KAT2A: variants seen among roughly 807,000 people sequenced by gnomAD.
KAT2A encodes the protein histone acetyltransferase KAT2A.
In KAT2A, 42 loss-of-function variants were observed where a neutral mutation model predicts 95.2. The ratio of observed to expected loss-of-function variants is 0.44; its 90% CI spans 0.34 to 0.57. KAT2A has a LOEUF of 0.57. Among genes scored for constraint, KAT2A ranks in the 20% least tolerant of loss-of-function variants. The pLI is 0.01. For synonymous variants in KAT2A, 449 were observed against 448.2 expected (o/e 1.00, Z -0.02); for missense variants, 784 against 1,126.3 (o/e 0.70, Z 4.35).
rs1205445970 is a variant in KAT2A at position 42,114,804 on chromosome 17, T to C, written c.2019+88A>G. ...CCTCACTCACACACATATATGCATGTAGACGTAGAACAGGTCTACACACGT... is the reference window on the plus strand; with the variant it reads ...CCTCACTCACACACATATATGCATGCAGACGTAGAACAGGTCTACACACGT... On this transcript the variant is annotated intron_variant, in intron 13 of 17. Coordinates refer to ENST00000225916, the MANE Select transcript of KAT2A (RefSeq NM_021078.3). This position sits in a 1 kb window ranked among gnomAD's most constrained non-coding sequence, Gnocchi z 6.0. 4 of 1,401,422 alleles carry C rather than the reference T, an allele frequency of 2.9e-6. No homozygotes were observed. The African/African-American group carries it at 4.2e-5, about 15-fold the overall frequency. The allele number at this position is 1,401,422 out of a possible 1,614,324, so 86.8% of individuals were successfully genotyped here.
chr17:42,120,166 C>T (rs1363434191), intron 3 of KAT2A, 47 bp from the exon 4 acceptor site: 1 of 1,613,422 alleles, frequency 6.2e-7, no homozygotes. Flanking sequence ...GGCAGAGCTG[C>T]AGACAACCCC....
intron 12 of KAT2A, 56 bp downstream of exon 12, chr17:42,115,667 C>A (rs1237637397): frequency 1.5e-5 from 17 of 1,115,588 alleles, no homozygotes; most frequent in Non-Finnish European, 2.1e-5. Context: ...AGGGGCTGGA[C>A]AGAATTACCC....
Position 42,119,568 on chromosome 17 carries a change from C to T in KAT2A, c.850G>A (p.Asp284Asn). The change falls in exon 5 of 18, where the codon GAC becomes AAC. Residue 284 changes from aspartate (D) to asparagine (N), a missense_variant. Asp to Asn is a conservative substitution (Grantham distance 23). This residue lies in a region of KAT2A where 208 missense variants were observed against 339.7 expected (regional missense o/e 0.61). Coordinates refer to ENST00000225916, the MANE Select transcript of KAT2A (RefSeq NM_021078.3). The surrounding 1 kb of genome is among the most constrained non-coding windows in gnomAD (Gnocchi z 5.3). ...TAATTGACCTTGTAGGTAGCCACGT[C>T]CTCAGCCTGAGACCTCTGCCGAAAC... ...AQFRQRSQAE[D>N]VATYKVNYTR... The T allele has an allele frequency of 6.2e-7, 1 of 1,605,784 alleles. No homozygotes were observed. The highest frequency in any genetic ancestry group is 8.5e-7 in the Non-Finnish European group (1 of 1,175,548).
At chr17:42,120,481 A>C (rs782105602) in intron 2 of KAT2A, 111 bp from the exon 3 acceptor site, 149 of 1,296,792 alleles carry the variant, frequency 1.1e-4, no homozygotes, top group Non-Finnish European at 1.6e-4. Context: ...AACCAGTGTG[A>C]CCAACAGTGA....
Position 42,121,259 on chromosome 17 carries a change from G to T in KAT2A, c.46C>A (p.Pro16Thr). ...QAPTPAPAAQ[P>T]RPLQSPAPAP... ...GGGGCTGGGGACTGAAGGGGCCGGG[G>T]CTGCGCAGCCGGGGCCGGGGTCGGG... Residue 16 changes from proline (P) to threonine (T), a missense_variant, in exon 1 of 18, where the codon CCC (proline) becomes ACC (threonine). Physicochemically the swap from Pro to Thr is conservative, Grantham distance 38 (BLOSUM62 -1). Coordinates refer to ENST00000225916, the MANE Select transcript of KAT2A (RefSeq NM_021078.3). 7.3e-7 allele frequency: 1 copy of T among 1,363,730 alleles called. No homozygotes were observed. The highest frequency in any genetic ancestry group is 9.5e-7 in the Non-Finnish European group (1 of 1,056,220). 84.5% of individuals were successfully genotyped at this position (1,363,730 alleles called of 1,614,324 possible).
rs2054278415 is a variant in KAT2A at position 42,117,664 on chromosome 17, G to A, written c.1428+14C>T. The A allele has an allele frequency of 3.1e-6, 5 of 1,606,672 alleles. No homozygotes were observed. In the East Asian group the frequency reaches 1.1e-4, roughly 36 times the overall value. ...TGGGGGTCCCCCAACTGGTCAGCAG[G>A]TCGGGCTGCCCACCTCAGGCCCCAG... On this transcript the variant is annotated intron_variant, in intron 9 of 17. Transcript: ENST00000225916. This position sits in a 1 kb window ranked among gnomAD's most constrained non-coding sequence, Gnocchi z 8.9.
intron 7 of KAT2A, 44 bp downstream of exon 7, chr17:42,118,253 G>T: frequency 1.4e-6 from 2 of 1,450,244 alleles, no homozygotes; most frequent in Non-Finnish European, 1.9e-6. Flanking sequence ...GCTTAGCTCA[G>T]CCAGGCAGGC....
rs1470481879 is a variant in KAT2A, at chr17:42,114,155, C to G, written c.2235+64G>C. On this transcript the variant is annotated intron_variant, in intron 16 of 17. Transcript: ENST00000225916. The surrounding 1 kb of genome is among the most constrained non-coding windows in gnomAD (Gnocchi z 6.0). Reference sequence around the variant, plus strand: ...CAGCCCGAGACCACTACCCACCCCACACTGCATCAAGAGGCCACAGCCATT... The same window carrying G: ...CAGCCCGAGACCACTACCCACCCCAGACTGCATCAAGAGGCCACAGCCATT... 6.3e-7 allele frequency: 1 copy of G among 1,577,358 alleles called. No individual in the cohort carries two copies.
rs1403921797 is a variant in KAT2A at position 42,120,637 on chromosome 17, G to A, written c.463+69C>T. ...GATTTTTTCAGAGATGAAGCTTTGT[G>A]GCACTTGTCACCCTGTCCAAGCAGG... On this transcript the variant is annotated intron_variant, in intron 2 of 17. Coordinates refer to ENST00000225916, the MANE Select transcript of KAT2A (RefSeq NM_021078.3). 1.9e-6 allele frequency: 3 copies of A among 1,599,406 alleles called. No homozygotes were observed. The African/African-American group carries it at 4.0e-5, about 21-fold the overall frequency.
Position 42,121,083 on chromosome 17 carries a change from C to A in KAT2A, c.222G>T (p.Gly74=). The change falls in exon 1 of 18, where the codon GGG becomes GGT. Residue 74 remains glycine, a synonymous_variant. Coordinates refer to ENST00000225916, the MANE Select transcript of KAT2A (RefSeq NM_021078.3). ...GGCTCAGGCCAGGTCGAGCCGGATC[C>A]CCCCCGCTCCCGGCCCCCCCACTTC... ...GVGSGGAGSG[G]DPARPGLSQQ... 6.4e-7 allele frequency: 1 copy of A among 1,552,200 alleles called. No homozygotes were observed. Among genetic ancestry groups the A allele is most frequent in the East Asian group, 2.4e-5 (1 of 42,198 alleles).
Position 42,114,116 on chromosome 17 carries a change from T to A in KAT2A, c.2236-32A>T. On this transcript the variant is annotated intron_variant, in intron 16 of 17. Transcript: ENST00000225916. This position sits in a 1 kb window ranked among gnomAD's most constrained non-coding sequence, Gnocchi z 6.0. ...AGAAGAGCCGGGCTGGGGACAGCCCTGCTGCGCCCACGCCAGCCCGAGACC... is the reference window on the plus strand; with the variant it reads ...AGAAGAGCCGGGCTGGGGACAGCCCAGCTGCGCCCACGCCAGCCCGAGACC... 6.4e-7 allele frequency: 1 copy of A among 1,558,606 alleles called. No homozygotes were observed. The highest frequency in any genetic ancestry group is 8.7e-7 in the Non-Finnish European group (1 of 1,153,318).
At chr17:42,120,911 C>G in intron 1 of KAT2A, 55 bp downstream of exon 1, 1 of 1,555,802 alleles carries the variant, frequency 6.4e-7, no homozygotes, top group East Asian at 2.4e-5. Flanking sequence ...CCCATTCCCA[C>G]CAGAGCCCTG....
Position 42,114,822 on chromosome 17 carries a change from A to G in KAT2A, c.2019+70T>C. On this transcript the variant is annotated intron_variant, in intron 13 of 17. Coordinates refer to ENST00000225916, the MANE Select transcript of KAT2A (RefSeq NM_021078.3). The surrounding 1 kb of genome is among the most constrained non-coding windows in gnomAD (Gnocchi z 6.0). ...ATGCATGTAGACGTAGAACAGGTCT[A>G]CACACGTGTGCTCGCCCTCTGCATG... 1 of 1,518,570 alleles carries G rather than the reference A, an allele frequency of 6.6e-7. No homozygotes were observed. 94.1% of individuals were successfully genotyped at this position (1,518,570 alleles called of 1,614,324 possible). A position where few individuals can be genotyped will look rare whatever the true frequency, so the allele number is the denominator to read the frequency against.
chr17:42,118,481 G>T, intron 6 of KAT2A, 78 bp from the exon 7 acceptor site: 1 of 1,005,540 alleles, frequency 9.9e-7, no homozygotes, highest in Non-Finnish European at 1.6e-6. Context: ...GGGACTGGAG[G>T]CTGGTCAGAG....
rs1555665359 is a variant in KAT2A at position 42,113,988 on chromosome 17, G to C, written c.2320+12C>G. The C allele has an allele frequency of 6.6e-7, 1 of 1,508,290 alleles. No individual in the cohort carries two copies. The allele number at this position is 1,508,290 out of a possible 1,614,324, so 93.4% of individuals were successfully genotyped here. A position where few individuals can be genotyped will look rare whatever the true frequency, so the allele number is the denominator to read the frequency against. On this transcript the variant is annotated intron_variant, in intron 17 of 17. Transcript: ENST00000225916. Reference sequence around the variant, plus strand: ...GAAGAGGAGGGAAGGGGATGGAATGGAAGGTCCTCACCAATGGGGAAGCGG... The same window carrying C: ...GAAGAGGAGGGAAGGGGATGGAATGCAAGGTCCTCACCAATGGGGAAGCGG...
Position 42,117,184 on chromosome 17 carries a change from A to G in KAT2A, c.1638-23T>C, listed in dbSNP as rs2054271221. On this transcript the variant is annotated intron_variant, in intron 10 of 17. Transcript: ENST00000225916. This position sits in a 1 kb window ranked among gnomAD's most constrained non-coding sequence, Gnocchi z 8.9. ...TTCCTAAGAGAGAGGGGGGCATGTC[A>G]TAGCCCCTGACTGTCCCCTTCAGGT... is the stretch of plus-strand genomic sequence containing the variant. 6.2e-7 allele frequency: 1 copy of G among 1,613,250 alleles called. No homozygotes were observed. The highest frequency in any genetic ancestry group is 1.7e-5 in the Admixed American group (1 of 59,982).
chr17:42,118,029 G>C lies in KAT2A; in HGVS notation c.1181-12C>G, dbSNP rs1418476820. Reference sequence around the variant, plus strand: ...TGCACTGACTGAAGCTGAGGAGAGAGAGAGACGTCAGGGATGGGGGGCTGA... The same window carrying C: ...TGCACTGACTGAAGCTGAGGAGAGACAGAGACGTCAGGGATGGGGGGCTGA... On this transcript the variant is annotated splice_polypyrimidine_tract_variant and intron_variant, in intron 7 of 17. Transcript: ENST00000225916. The C allele has an allele frequency of 2.1e-6, 3 of 1,429,302 alleles. No homozygotes were observed. The highest frequency in any genetic ancestry group is 1.9e-6 in the Non-Finnish European group (2 of 1,055,674). 88.5% of individuals were successfully genotyped at this position (1,429,302 alleles called of 1,614,324 possible).
Position 42,114,052 on chromosome 17 carries a change from A to G in KAT2A, c.2268T>C (p.Pro756=), listed in dbSNP as rs1555665384. The G allele has an allele frequency of 1.3e-6, 2 of 1,527,316 alleles. No homozygotes were observed. Among genetic ancestry groups the G allele is most frequent in the African/African-American group, 1.4e-5 (1 of 70,882 alleles). 94.6% of individuals were successfully genotyped at this position (1,527,316 alleles called of 1,614,324 possible). The change falls in exon 17 of 18, where the codon CCT becomes CCC. Residue 756 remains proline, a synonymous_variant. Coordinates refer to ENST00000225916, the MANE Select transcript of KAT2A (RefSeq NM_021078.3). The surrounding 1 kb of genome is among the most constrained non-coding windows in gnomAD (Gnocchi z 6.0). ...AGTCAGGGGCCTCCGACTTCTTCAC[A>G]GGCTCCATGAAGGGCCAGGCACTGG... ...SHPSAWPFME[P]VKKSEAPDYY...
chr17:42,113,790 C>CGGA lies in KAT2A; in HGVS notation c.2372_2373insTCC (p.Lys791delinsAsnPro), dbSNP rs2054206616. 6.2e-7 allele frequency: 1 copy of CGGA among 1,607,924 alleles called. No individual in the cohort carries two copies. Among genetic ancestry groups the CGGA allele is most frequent in the African/African-American group, 1.3e-5 (1 of 74,402 alleles). On this transcript the variant is annotated protein_altering_variant, in exon 18 of 18. Transcript: ENST00000225916. ...CCCGCTGCAGGTCGGCCACAAAGAG[C>CGGA]TTCCGGGTCACGTAGTAGCGGCTTC...
Sources: allele counts gnomAD v4.1 joint callset, GRCh38; gene constraint gnomAD v4.1.1; regional missense constraint gnomAD v4.1.1; non-coding constraint Gnocchi (gnomAD v3.1); transcripts MANE v1.5; gene names NCBI Gene and HGNC (gene_info 2026-07-23, HGNC 2026-07-21).